The following SORCS1 variants were observed in gnomAD, a reference collection of about 807,000 sequenced individuals.
SORCS1 encodes the protein VPS10 domain-containing receptor SorCS1.
In SORCS1, 60 loss-of-function variants were observed where a neutral mutation model predicts 146.1. The observed-to-expected ratio is 0.41, with a 90% confidence interval of 0.33 to 0.51. SORCS1 has a LOEUF of 0.51. Among genes scored for constraint, SORCS1 ranks in the 20% least tolerant of loss-of-function variants. The pLI, the probability that SORCS1 is intolerant of heterozygous loss-of-function variation, is 0.21. For synonymous variants in SORCS1, 637 were observed against 584.0 expected, an observed-to-expected ratio of 1.09 and a Z score of -1.31; for missense variants, 1,352 against 1,487.6, an observed-to-expected ratio of 0.91 and a Z score of 1.50.
At chr10:106,729,047 T>C (rs1195413081) in intron 6 of SORCS1, among the ~76,000 whole-genome samples, 1 of 152,136 alleles carries the variant, frequency 6.6e-6, no homozygotes, top group Non-Finnish European at 1.5e-5. Context: ...CTGCAAATGC[T>C]TAGCCCTTCT....
At chr10:106,770,194 T>G (rs1290783775) in intron 4 of SORCS1, among the ~76,000 whole-genome samples, 2 of 152,204 alleles carry the variant, frequency 1.3e-5, no homozygotes, top group Non-Finnish European at 2.9e-5. Flanking sequence ...CTGACACATA[T>G]GTACCAAAAA....
intron 9 of SORCS1, among the ~76,000 whole-genome samples, chr10:106,691,142 A>T (rs1228323855): frequency 6.6e-6 from 1 of 152,146 alleles, no homozygotes; most frequent in Admixed American, 6.6e-5. Context: ...ATGTTTCTAG[A>T]TAACCTCTCT....
chr10:107,099,497 T>G (rs892879914), intron 1 of SORCS1, among the ~76,000 whole-genome samples: 3 of 152,128 alleles, frequency 2.0e-5, no homozygotes, highest in African/African-American at 7.2e-5. Flanking sequence ...AAATTTAAAT[T>G]AAGTCAAATT....
chr10:106,613,460 G>A (rs994338572), intron 21 of SORCS1, among the ~76,000 whole-genome samples: 9 of 152,262 alleles, frequency 5.9e-5, no homozygotes, highest in East Asian at 1.9e-4. Context: ...AGTCCCCTGC[G>A]TTCCAGGAAT....
rs936900298 is a variant in SORCS1 at position 106,575,289 on chromosome 10, A to G, written c.*2131T>C. ...AGATTCATATGGGGTATCCTCAACC[A>G]TAAACATCTCTGCCTGACAAACTTC... On this transcript the variant is annotated 3_prime_UTR_variant, in exon 26 of 26. Transcript: ENST00000263054. The G allele has an allele frequency of 3.3e-5, 5 of 152,350 alleles. No individual in the cohort carries two copies. Among genetic ancestry groups the G allele is most frequent in the Admixed American group, 2.0e-4 (3 of 15,290 alleles). The allele number at this position is 152,350 out of a possible 1,614,324, so 9.4% of individuals were successfully genotyped here.
At position 107,129,771 on chromosome 10, in the gene SORCS1, C is replaced by G. The variant is rs569664302; in HGVS notation, c.558+34198G>C. ...GTGCCCCTAATAACTTCTTTGATGG[C>G]TTGGATGAAATCTCTTTTTACTTAT... On this transcript the variant is annotated intron_variant, in intron 1 of 25. Coordinates refer to ENST00000263054, the MANE Select transcript of SORCS1 (RefSeq NM_052918.5). Among the ~76,000 whole-genome samples the G allele has an allele frequency of 2.6e-5, 4 of 152,312 alleles. No homozygotes were observed. The South Asian group carries it at 8.3e-4, about 32-fold the overall frequency.
chr10:107,091,492 T>G (rs556638554), intron 1 of SORCS1, among the ~76,000 whole-genome samples: 6 of 152,352 alleles, frequency 3.9e-5, no homozygotes, highest in African/African-American at 1.4e-4. Flanking sequence ...GTTTCCAAAC[T>G]TGTGCCTCTG....
At chr10:107,010,899 AC>A (rs1957670375) in intron 1 of SORCS1, among the ~76,000 whole-genome samples, 1 of 152,044 alleles carries the variant, frequency 6.6e-6, no homozygotes, top group Non-Finnish European at 1.5e-5. Flanking sequence ...ACCAGATATC[AC>A]CCCACTGAGA....
intron 1 of SORCS1, among the ~76,000 whole-genome samples, chr10:106,985,956 C>T (rs1464068529): frequency 6.6e-6 from 1 of 151,978 alleles, no homozygotes; most frequent in African/African-American, 2.4e-5. Context: ...GGACCCAATC[C>T]TTGTCTATCT....
chr10:106,723,913 A>C (rs563692610), intron 6 of SORCS1, among the ~76,000 whole-genome samples: 44 of 152,190 alleles, frequency 2.9e-4, no homozygotes, highest in Non-Finnish European at 1.6e-4. Flanking sequence ...ACCAAAAAAA[A>C]CTAATTCAAT....
rs67511804 is a variant in SORCS1, at chr10:106,912,124, AC to A, written c.626+44388del. ...TGAGCCTCCGTCTCAAAAAAAAAAA[AC>A]AAACAAACAAACAAACAAAAAAAGG... On this transcript the variant is annotated intron_variant, in intron 2 of 25. Coordinates refer to ENST00000263054, the MANE Select transcript of SORCS1 (RefSeq NM_052918.5). 8.7e-4 allele frequency among the ~76,000 whole-genome samples: 127 copies of A among 146,552 alleles called. 1 individual carries two copies. The highest frequency in any genetic ancestry group is 1.9e-3 in the African/African-American group (75 of 39,134).
intron 1 of SORCS1, among the ~76,000 whole-genome samples, chr10:107,103,035 T>C (rs1037405737): frequency 6.6e-6 from 1 of 152,160 alleles, no homozygotes; most frequent in Non-Finnish European, 1.5e-5. Context: ...CATACCTTTC[T>C]CCTTCCAACA....
intron 2 of SORCS1, among the ~76,000 whole-genome samples, chr10:106,942,551 C>T (rs943638773): frequency 6.6e-6 from 1 of 152,178 alleles, no homozygotes; most frequent in African/African-American, 2.4e-5. Context: ...CTCAGTGACT[C>T]TTCCAAAATG....
chr10:107,012,137 G>A (rs576401587), intron 1 of SORCS1, among the ~76,000 whole-genome samples: 13 of 152,250 alleles, frequency 8.5e-5, no homozygotes, highest in Admixed American at 7.8e-4. Context: ...GTCTAAGACT[G>A]AAACAGGGAC....
chr10:106,826,758 T>C (rs1948325449), intron 3 of SORCS1, among the ~76,000 whole-genome samples: 3 of 152,186 alleles, frequency 2.0e-5, no homozygotes, highest in Non-Finnish European at 1.5e-5. Flanking sequence ...CATTTATCTA[T>C]AGAGGAAAAG....
chr10:106,955,999 G>A (rs1013160342), intron 2 of SORCS1, among the ~76,000 whole-genome samples: 6 of 151,962 alleles, frequency 3.9e-5, no homozygotes, highest in South Asian at 2.1e-4. Context: ...GCGTGGTGGC[G>A]CATGCCTGTA....
At chr10:106,656,408 G>C (rs1103057) in intron 17 of SORCS1, among the ~76,000 whole-genome samples, 3,560 of 152,150 alleles carry the variant, frequency 0.023, 130 homozygotes, top group African/African-American at 0.078. Context: ...AAAATTAGCC[G>C]GGCTTGCTGG....
At chr10:107,102,036 C>G (rs11193197) in intron 1 of SORCS1, among the ~76,000 whole-genome samples, 44,317 of 151,954 alleles carry the variant, frequency 0.29, 6,920 homozygotes, top group Middle Eastern at 0.46. Flanking sequence ...TGGCCTGGAT[C>G]AAACATAAGG....
chr10:106,689,016 G>A (rs1018651978), intron 9 of SORCS1, among the ~76,000 whole-genome samples: 1 of 152,154 alleles, frequency 6.6e-6, no homozygotes, highest in Non-Finnish European at 1.5e-5. Flanking sequence ...TAAGCCACCA[G>A]AATACACGGA....
Sources: gnomAD v4.1 joint callset for allele counts (sites outside exome capture counted in the v4.1 genomes callset) on GRCh38, gnomAD v4.1.1 for gene constraint, MANE v1.5 for transcripts, NCBI Gene and HGNC (gene_info 2026-07-23, HGNC 2026-07-21) for gene names.